The following NPNT variants were observed in gnomAD, a reference collection of about 807,000 sequenced individuals.
NPNT encodes nephronectin.
In NPNT, 45 loss-of-function variants were observed where a neutral mutation model predicts 68.6. The ratio of observed to expected loss-of-function variants is 0.66; its 90% CI spans 0.52 to 0.84. The LOEUF is 0.84. Among genes scored for constraint, NPNT ranks in the 40% least tolerant of loss-of-function variants. NPNT has a pLI of 0.00. For synonymous variants in NPNT, 233 were observed against 253.3 expected (o/e 0.92, Z 0.76); for missense variants, 672 against 714.8 (o/e 0.94, Z 0.68).
At chr4:105,903,236 T>G (rs193028235) in intron 2 of NPNT, among the ~76,000 whole-genome samples, 67 of 152,356 alleles carry the variant, frequency 4.4e-4, no homozygotes, top group African/African-American at 1.5e-3. Flanking sequence ...GCATTTCTTT[T>G]TGTTGCTTTT....
chr4:105,948,841 T>TC (rs1245249957), intron 8 of NPNT, among the ~76,000 whole-genome samples: 1 of 151,988 alleles, frequency 6.6e-6, no homozygotes, highest in African/African-American at 2.4e-5. Flanking sequence ...CAAGGAATCC[T>TC]CCCACCTTGG....
Position 105,971,463 on chromosome 4 carries a change from G to C in NPNT, c.*2473G>C, listed in dbSNP as rs1578707068. On this transcript the variant is annotated 3_prime_UTR_variant, in exon 12 of 12. Transcript: ENST00000379987. ...TCATTTCCTTTATGGTCATATAACT[G>C]CACAGCTGAAGATGAAAGGGGAAAA... The C allele has an allele frequency of 5.3e-6, 1 of 187,940 alleles. No homozygotes were observed. The highest frequency in any genetic ancestry group is 1.1e-5 in the Non-Finnish European group (1 of 87,016). The allele number at this position is 187,940 out of a possible 1,614,324, so 11.6% of individuals were successfully genotyped here. A position where few individuals can be genotyped will look rare whatever the true frequency, so the allele number is the denominator to read the frequency against.
chr4:105,900,753 G>A (rs1726334835), intron 2 of NPNT, among the ~76,000 whole-genome samples: 2 of 151,366 alleles, frequency 1.3e-5, no homozygotes, highest in Non-Finnish European at 2.9e-5. Context: ...CAACATTCCT[G>A]CCTGCTAGGG....
intron 2 of NPNT, among the ~76,000 whole-genome samples, chr4:105,915,621 TGAA>T (rs1293182290): frequency 1.3e-5 from 2 of 152,262 alleles, no homozygotes; most frequent in East Asian, 1.9e-4. Context: ...TTGTGAAAGG[TGAA>T]GAAGATGTAA....
At chr4:105,959,530 T>TC (rs1731516937) in intron 10 of NPNT, among the ~76,000 whole-genome samples, 1 of 150,566 alleles carries the variant, frequency 6.6e-6, no homozygotes, top group African/African-American at 2.4e-5. Context: ...TTTCTTTTTT[T>TC]TTTTTTTTTA....
At chr4:105,900,694 A>G (rs1726328293) in intron 2 of NPNT, among the ~76,000 whole-genome samples, 1 of 152,168 alleles carries the variant, frequency 6.6e-6, no homozygotes. Context: ...TCAAATGGGC[A>G]TAGAACCTGT....
intron 11 of NPNT, among the ~76,000 whole-genome samples, chr4:105,967,938 G>A (rs1374365739): frequency 6.6e-6 from 1 of 152,022 alleles, no homozygotes; most frequent in African/African-American, 2.4e-5. Context: ...AGCGTAGGGT[G>A]GGAACTCAGA....
intron 2 of NPNT, among the ~76,000 whole-genome samples, chr4:105,898,359 TCTCTCTCTCTCTCTCTCTCTC>T (rs1193447507): frequency 0.015 from 2,181 of 148,142 alleles, 83 homozygotes; most frequent in African/African-American, 0.048. Flanking sequence ...TCTCTCTCTC[TCTCTCTCTCTCTCTCTCTCTC>T]GCTGACTCGC....
At chr4:105,941,110 A>G (rs1485064819) in intron 7 of NPNT, among the ~76,000 whole-genome samples, 2 of 152,114 alleles carry the variant, frequency 1.3e-5, no homozygotes, top group Non-Finnish European at 2.9e-5. Flanking sequence ...AGGCCATAGC[A>G]GCAGGATTGT....
intron 7 of NPNT, among the ~76,000 whole-genome samples, chr4:105,941,760 C>G (rs1729974489): frequency 6.6e-6 from 1 of 151,996 alleles, no homozygotes. Flanking sequence ...AAAAACCGAC[C>G]ATAAAACAAT....
At chr4:105,966,939 G>C (rs1379451588) in intron 10 of NPNT, among the ~76,000 whole-genome samples, 4 of 151,998 alleles carry the variant, frequency 2.6e-5, no homozygotes, top group African/African-American at 9.7e-5. Context: ...CATAGTGTTT[G>C]GTTACTAATT....
intron 2 of NPNT, among the ~76,000 whole-genome samples, chr4:105,914,465 A>T (rs998039996): frequency 7.1e-6 from 1 of 139,996 alleles, no homozygotes; most frequent in Non-Finnish European, 1.5e-5. Context: ...TATAATATAT[A>T]ATATATTATA....
chr4:105,927,290 G>T, intron 2 of NPNT, 46 bp from the exon 3 acceptor site: 1 of 1,154,164 alleles, frequency 8.7e-7, no homozygotes, highest in Non-Finnish European at 1.3e-6. Flanking sequence ...TATATGATTG[G>T]TGTTTCGTTG....
intron 8 of NPNT, among the ~76,000 whole-genome samples, chr4:105,948,176 C>A (rs542357970): frequency 2.7e-4 from 41 of 151,932 alleles, no homozygotes; most frequent in Non-Finnish European, 5.1e-4. Context: ...CTAGAAAATT[C>A]TAAGTCTAAT....
At chr4:105,897,191 T>C (rs151190045) in intron 1 of NPNT, among the ~76,000 whole-genome samples, 2 of 152,362 alleles carry the variant, frequency 1.3e-5, no homozygotes, top group East Asian at 3.9e-4. Flanking sequence ...GATAAATCTG[T>C]ATCCTGAAAT....
rs768874022 is a variant in NPNT, at chr4:105,967,395, A to G, written c.1553A>G (p.His518Arg). 2.8e-5 allele frequency: 45 copies of G among 1,605,290 alleles called. No homozygotes were observed. The East Asian group carries it at 5.4e-4, about 19-fold the overall frequency. Residue 518 changes from histidine (H) to arginine (R), a missense_variant, in exon 11 of 12, where the codon CAT (histidine) becomes CGT (arginine). Coordinates refer to ENST00000379987, the MANE Select transcript of NPNT (RefSeq NM_001033047.3). ...GAALWGRNGG[H>R]GWRQTQITLR... is the part of the protein sequence containing the mutation. The stretch of plus-strand genomic sequence containing the variant: ...GCCCTGTGGGGAAGAAATGGTGGCC[A>G]TGGCTGGAGGCAAACACAGATCACC...
chr4:105,936,215 C>T (rs1337644595), intron 3 of NPNT, among the ~76,000 whole-genome samples: 6 of 152,052 alleles, frequency 3.9e-5, no homozygotes. Context: ...ACATTTTGTC[C>T]ATTAGTGTTT....
In NPNT at chr4:105,897,850, C is replaced by G. The variant is rs1194381516; in HGVS notation, c.72-51C>G. ...TGAAGTAATAATACAGAGGAAATTA[C>G]CTTTCTTCTCAAAAGTGTCCTTATT... is the stretch of plus-strand genomic sequence containing the variant. On this transcript the variant is annotated intron_variant, in intron 1 of 11. Transcript: ENST00000379987. 9 of 1,415,816 alleles carry G rather than the reference C, an allele frequency of 6.4e-6. No individual in the cohort carries two copies. The South Asian group carries it at 1.1e-4, about 17-fold the overall frequency. The allele number at this position is 1,415,816 out of a possible 1,614,324, so 87.7% of individuals were successfully genotyped here. A position where few individuals can be genotyped will look rare whatever the true frequency, so the allele number is the denominator to read the frequency against.
intron 2 of NPNT, among the ~76,000 whole-genome samples, chr4:105,923,422 T>C (rs1022428701): frequency 4.6e-5 from 7 of 152,210 alleles, no homozygotes; most frequent in Non-Finnish European, 1.0e-4. Context: ...ATCCTAAATT[T>C]GTATCAAAAG....
Sources: gnomAD v4.1 joint callset for allele counts (sites outside exome capture counted in the v4.1 genomes callset) on GRCh38, gnomAD v4.1.1 for gene constraint, MANE v1.5 for transcripts, NCBI Gene and HGNC (gene_info 2026-07-23, HGNC 2026-07-21) for gene names.